Variants in NCKAP5 observed in about 807,000 individuals in gnomAD.
NCKAP5 encodes the protein nck-associated protein 5.
A neutral mutation model predicts 167.0 loss-of-function variants in NCKAP5; 92 were observed. The observed-to-expected ratio is 0.55, with a 90% CI of 0.47 to 0.66. NCKAP5 has a LOEUF of 0.66. NCKAP5 is among the 30% of genes least tolerant of loss of function. The probability of loss-of-function intolerance (pLI) is 0.00; values close to 1 mark genes in which losing one functional copy is unlikely to be tolerated. For synonymous variants in NCKAP5, 891 were observed against 877.4 expected (o/e 1.02, Z -0.27); for missense variants, 2,378 against 2,315.0 (o/e 1.03, Z -0.56).
intron 19 of NCKAP5, among the ~76,000 whole-genome samples, chr2:132,708,774 GTCT>G: frequency 6.6e-6 from 1 of 152,170 alleles, no homozygotes; most frequent in Admixed American, 6.5e-5. Context: ...TTATATTGTT[GTCT>G]TCGTATTAGT....
chr2:133,137,909 C>T (rs537435115), intron 5 of NCKAP5, among the ~76,000 whole-genome samples: 24 of 152,290 alleles, frequency 1.6e-4, no homozygotes, highest in African/African-American at 3.8e-4. Flanking sequence ...TTATTCCTGA[C>T]GCAAGTCCTG....
At chr2:133,095,607 T>C (rs1006637631) in intron 6 of NCKAP5, among the ~76,000 whole-genome samples, 1 of 152,182 alleles carries the variant, frequency 6.6e-6, no homozygotes, top group Admixed American at 6.5e-5. Flanking sequence ...GGAGACTCTA[T>C]GTAGAGGAGA....
At chr2:133,394,249 C>T (rs960129989) in intron 3 of NCKAP5, among the ~76,000 whole-genome samples, 2 of 152,166 alleles carry the variant, frequency 1.3e-5, no homozygotes, top group African/African-American at 2.4e-5. Context: ...AGTCCTTGCC[C>T]TTGAAGTGTT....
chr2:133,355,680 A>T (rs1431048405), intron 3 of NCKAP5, among the ~76,000 whole-genome samples: 3 of 152,122 alleles, frequency 2.0e-5, no homozygotes, highest in African/African-American at 7.2e-5. Flanking sequence ...TACCTGGGAA[A>T]AATCAACTTT....
At chr2:132,723,120 C>T (rs377322309) in intron 19 of NCKAP5, among the ~76,000 whole-genome samples, 33 of 151,492 alleles carry the variant, frequency 2.2e-4, no homozygotes, top group African/African-American at 8.0e-4. Flanking sequence ...AGCCACCATG[C>T]CTGGCCTGAG....
chr2:132,730,852 C>A (rs1346294317), intron 17 of NCKAP5, among the ~76,000 whole-genome samples: 1 of 152,204 alleles, frequency 6.6e-6, no homozygotes, highest in East Asian at 1.9e-4. Context: ...TGTGACGCAA[C>A]ATTCGTGGCA....
intron 6 of NCKAP5, among the ~76,000 whole-genome samples, chr2:133,079,779 A>T (rs1160911527): frequency 6.6e-6 from 1 of 152,062 alleles, no homozygotes; most frequent in African/African-American, 2.4e-5. Flanking sequence ...GTATAGGTAA[A>T]TTTTCACCTA....
chr2:132,783,089 T>A lies in NCKAP5; in HGVS notation c.3722A>T (p.Asp1241Val). ...EPLESSIPGS[D>V]GRDGVDNRSM... Reference sequence around the variant, plus strand: ...TCTATTATCTACCCCATCCCTTCCATCACTCCCAGGGATGCTACTTTCCAA... The same window carrying A: ...TCTATTATCTACCCCATCCCTTCCAACACTCCCAGGGATGCTACTTTCCAA... The change falls in exon 14 of 20, where the codon GAT (aspartate) becomes GTT (valine). Residue 1241 changes from aspartate to valine, a missense_variant. Asp to Val is a radical substitution (Grantham distance 152). Coordinates refer to ENST00000409261, the MANE Select transcript of NCKAP5 (RefSeq NM_207363.3). 6.2e-7 allele frequency: 1 copy of A among 1,613,840 alleles called. No individual in the cohort carries two copies. Among genetic ancestry groups the A allele is most frequent in the South Asian group, 1.1e-5 (1 of 91,048 alleles).
intron 8 of NCKAP5, among the ~76,000 whole-genome samples, chr2:132,897,707 T>C (rs1272014216): frequency 1.3e-5 from 2 of 152,200 alleles, no homozygotes; most frequent in African/African-American, 4.8e-5. Flanking sequence ...ATTTTTTAGT[T>C]TCCCAGTGCA....
In NCKAP5 at chr2:133,467,314, A is replaced by C. The variant is rs549562179; in HGVS notation, c.69+50144T>G. On this transcript the variant is annotated intron_variant, in intron 3 of 19. Transcript: ENST00000409261. ...TCTGTTTATATGCTGGATTACATTT[A>C]TTGATTTGCATATATTGAACCAGAC... Among the ~76,000 whole-genome samples the C allele has an allele frequency of 1.6e-4, 25 of 152,086 alleles. No individual in the cohort carries two copies. In the East Asian group the frequency reaches 4.8e-3, roughly 29 times the overall value.
the NCKAP5 span, among the ~76,000 whole-genome samples, chr2:133,659,909 A>C: frequency 6.6e-6 from 1 of 152,230 alleles, no homozygotes; most frequent in African/African-American, 2.4e-5. Context: ...CATATTATAC[A>C]TATATAAGCC....
chr2:133,385,010 C>G (rs145040061), intron 3 of NCKAP5, among the ~76,000 whole-genome samples: 33,914 of 151,992 alleles, frequency 0.22, 3,935 homozygotes, highest in Non-Finnish European at 0.25. Flanking sequence ...AATTTGACTT[C>G]CTGTTTTCCT....
intron 8 of NCKAP5, among the ~76,000 whole-genome samples, chr2:132,901,914 A>G (rs1276649106): frequency 6.6e-6 from 1 of 152,196 alleles, no homozygotes; most frequent in African/African-American, 2.4e-5. Context: ...TTGAGGGCAC[A>G]GATAAGACTT....
intron 9 of NCKAP5, among the ~76,000 whole-genome samples, chr2:132,872,426 G>A (rs571913134): frequency 6.6e-6 from 1 of 152,296 alleles, no homozygotes; most frequent in East Asian, 1.9e-4. Context: ...GCACTCTCTT[G>A]GAAGTGGGCG....
the NCKAP5 span, among the ~76,000 whole-genome samples, chr2:133,630,630 C>A: frequency 4.7e-4 from 72 of 152,280 alleles, 1 homozygote; most frequent in East Asian, 0.014. Flanking sequence ...ATGGGTCTTT[C>A]CCTCTCCTGC....
chr2:133,567,078 G>A (rs970297398), intron 1 of NCKAP5, among the ~76,000 whole-genome samples: 4 of 152,228 alleles, frequency 2.6e-5, no homozygotes, highest in Admixed American at 6.5e-5. Context: ...TCAGGAGCAA[G>A]CCAGGCTCCT....
chr2:132,699,943 C>T (rs1265038356), intron 19 of NCKAP5, among the ~76,000 whole-genome samples: 2 of 152,230 alleles, frequency 1.3e-5, no homozygotes, highest in Non-Finnish European at 2.9e-5. Flanking sequence ...TACAGTCCCA[C>T]CAACAATGTA....
At chr2:132,862,777 AAC>A (rs200958938) in intron 10 of NCKAP5, among the ~76,000 whole-genome samples, 37,975 of 147,012 alleles carry the variant, frequency 0.26, 5,068 homozygotes, top group East Asian at 0.44. Flanking sequence ...AAAAAAAAAA[AAC>A]CAAAAAAAAA....
intron 16 of NCKAP5, among the ~76,000 whole-genome samples, chr2:132,734,290 C>A (rs1048775647): frequency 3.9e-5 from 6 of 152,212 alleles, no homozygotes; most frequent in East Asian, 3.8e-4. Context: ...ACTTCTGTGT[C>A]TTTTCTTAAT....
Sources: allele counts gnomAD v4.1 joint callset (sites outside exome capture counted in the v4.1 genomes callset), GRCh38; gene constraint gnomAD v4.1.1; transcripts MANE v1.5; gene names NCBI Gene and HGNC (gene_info 2026-07-23, HGNC 2026-07-21).